Variants in MTUS2 observed in about 807,000 individuals in gnomAD.
The protein encoded by MTUS2 is microtubule-associated tumor suppressor candidate 2.
MTUS2 carries 40 observed loss-of-function variants against 114.1 expected under a neutral mutation model. The observed-to-expected ratio is 0.35, with a 90% CI of 0.27 to 0.46. The LOEUF is 0.46. Among genes scored for constraint, MTUS2 ranks in the 20% least tolerant of loss-of-function variants. The pLI, the probability that MTUS2 is intolerant of heterozygous loss-of-function variation, is 1.00. For missense variants in MTUS2, 1,679 were observed against 1,705.4 expected (o/e 0.98, Z 0.27); for synonymous variants, 688 against 672.0 (o/e 1.02, Z -0.37).
intron 2 of MTUS2, among the ~76,000 whole-genome samples, chr13:28,994,534 C>A (rs1199944261): frequency 1.3e-5 from 2 of 152,208 alleles, no homozygotes; most frequent in African/African-American, 2.4e-5. Context: ...AAAAGTGTTC[C>A]TATTTCTCCA....
intron 15 of MTUS2, 46 bp downstream of exon 15, chr13:29,501,240 T>C: frequency 7.0e-7 from 1 of 1,435,554 alleles, no homozygotes; most frequent in African/African-American, 1.4e-5. Flanking sequence ...CCTCTTGAGC[T>C]TCTTTTTGTT....
intron 8 of MTUS2, among the ~76,000 whole-genome samples, chr13:29,402,541 T>C (rs1316593764): frequency 6.6e-6 from 1 of 152,132 alleles, no homozygotes; most frequent in Non-Finnish European, 1.5e-5. Flanking sequence ...AGCTGAATCA[T>C]GCCGATGGCG....
chr13:28,949,226 C>T (rs1882688822), intron 2 of MTUS2, among the ~76,000 whole-genome samples: 1 of 152,196 alleles, frequency 6.6e-6, no homozygotes, highest in Admixed American at 6.5e-5. Flanking sequence ...CTTTGAGCCA[C>T]AAGAATCGGT....
At chr13:28,996,575 A>G (rs1406174674) in intron 2 of MTUS2, among the ~76,000 whole-genome samples, 1 of 152,134 alleles carries the variant, frequency 6.6e-6, no homozygotes. Context: ...TGAATTTCAG[A>G]GCCTGTTATC....
At chr13:29,191,579 G>T (rs1358157740) in intron 5 of MTUS2, among the ~76,000 whole-genome samples, 3 of 151,994 alleles carry the variant, frequency 2.0e-5, no homozygotes, top group East Asian at 3.9e-4. Context: ...GAACATGGGG[G>T]ACTGGGCTTC....
intron 15 of MTUS2, 99 bp from the exon 16 acceptor site, chr13:29,502,894 T>C: frequency 1.7e-6 from 2 of 1,210,024 alleles, no homozygotes; most frequent in South Asian, 1.4e-5. Flanking sequence ...CTCCCTGCGG[T>C]CATCATGGCC....
intron 5 of MTUS2, among the ~76,000 whole-genome samples, chr13:29,224,845 A>G (rs1414496967): frequency 6.6e-6 from 1 of 152,118 alleles, no homozygotes; most frequent in Admixed American, 6.5e-5. Flanking sequence ...GGGGCCTCCA[A>G]TCCACCAAGT....
At chr13:29,012,408 A>G (rs781417887) in intron 2 of MTUS2, among the ~76,000 whole-genome samples, 3 of 152,180 alleles carry the variant, frequency 2.0e-5, no homozygotes, top group East Asian at 1.9e-4. Flanking sequence ...GCGTGTCCAC[A>G]TTGCAGAGGA....
intron 6 of MTUS2, among the ~76,000 whole-genome samples, chr13:29,282,504 C>T (rs529070325): frequency 1.3e-5 from 2 of 152,202 alleles, no homozygotes; most frequent in African/African-American, 4.8e-5. Flanking sequence ...CAGAAAGTGC[C>T]GAGGCAGCAT....
intron 4 of MTUS2, among the ~76,000 whole-genome samples, chr13:29,096,625 C>G (rs546935576): frequency 5.9e-5 from 9 of 152,318 alleles, no homozygotes; most frequent in Middle Eastern, 6.8e-3. Flanking sequence ...TAGGCCCAAA[C>G]TTCCCTCACA....
At chr13:29,049,987 C>T (rs1424403753) in intron 4 of MTUS2, among the ~76,000 whole-genome samples, 2 of 152,264 alleles carry the variant, frequency 1.3e-5, no homozygotes, top group African/African-American at 2.4e-5. Context: ...CGAGATTTCC[C>T]GCCAACATGG....
chr13:29,195,671 A>G (rs1384999282), intron 5 of MTUS2, among the ~76,000 whole-genome samples: 1 of 151,526 alleles, frequency 6.6e-6, no homozygotes, highest in Non-Finnish European at 1.5e-5. Flanking sequence ...GGCCAAGGGA[A>G]GGGCGCCCCA....
intron 5 of MTUS2, among the ~76,000 whole-genome samples, chr13:29,133,984 T>A (rs1891869300): frequency 6.6e-6 from 1 of 152,212 alleles, no homozygotes; most frequent in Admixed American, 6.5e-5. Context: ...ATTAGGTTGT[T>A]GATTTAAGAT....
intron 2 of MTUS2, among the ~76,000 whole-genome samples, chr13:28,980,174 A>G (rs1357586227): frequency 6.6e-6 from 1 of 152,234 alleles, no homozygotes; most frequent in African/African-American, 2.4e-5. Context: ...TGATTTTGTG[A>G]ATATCGAAAA....
At chr13:28,875,783 G>A (rs1421790619) in intron 2 of MTUS2, among the ~76,000 whole-genome samples, 1 of 151,966 alleles carries the variant, frequency 6.6e-6, no homozygotes, top group Non-Finnish European at 1.5e-5. Flanking sequence ...AGGATATATG[G>A]GTAAGAATTA....
rs752413944 is a variant in MTUS2 at position 29,492,710 on chromosome 13, G to A, written c.3570G>A (p.Leu1190=). The change falls in exon 12 of 16, where the codon CTG becomes CTA. Residue 1190 remains leucine, a synonymous_variant. Transcript: ENST00000612955. ...AAGAAAATTTTGAAAAACTGCGGCT[G>A]TCATTGCAGGTTAGTATTTCTTTAA... ...ELEENFEKLR[L]SLQDQVDTLT... The A allele has an allele frequency of 2.5e-6, 4 of 1,612,476 alleles. No individual in the cohort carries two copies. The South Asian group carries it at 3.3e-5, about 13-fold the overall frequency.
intron 2 of MTUS2, among the ~76,000 whole-genome samples, chr13:28,913,633 A>G (rs1003404777): frequency 6.6e-6 from 1 of 152,164 alleles, no homozygotes; most frequent in Admixed American, 6.6e-5. Context: ...GCCTCATAGA[A>G]TGAGTTAAGG....
chr13:29,409,797 CTTT>C (rs201600159), intron 8 of MTUS2, among the ~76,000 whole-genome samples: 2 of 142,042 alleles, frequency 1.4e-5, no homozygotes, highest in Admixed American at 7.1e-5. Context: ...CTTCATTCGT[CTTT>C]TTTTTTTTTT....
At chr13:29,037,645 C>T (rs1034115431) in intron 4 of MTUS2, among the ~76,000 whole-genome samples, 3 of 152,214 alleles carry the variant, frequency 2.0e-5, no homozygotes, top group Non-Finnish European at 1.5e-5. Context: ...TTTTCAGGTA[C>T]ACCAATCAAA....
Sources: gnomAD v4.1 joint callset for allele counts (sites outside exome capture counted in the v4.1 genomes callset) on GRCh38, gnomAD v4.1.1 for gene constraint, MANE v1.5 for transcripts, NCBI Gene and HGNC (gene_info 2026-07-23, HGNC 2026-07-21) for gene names.